Variants in LRRTM3 observed in about 807,000 individuals in gnomAD.
LRRTM3 encodes the protein leucine rich repeat transmembrane neuronal 3, also known as leucine-rich repeat transmembrane neuronal protein 3.
A neutral mutation model predicts 44.7 loss-of-function variants in LRRTM3; 24 were observed. The ratio of observed to expected loss-of-function variants is 0.54; its 90% CI spans 0.39 to 0.76. The LOEUF (loss-of-function observed/expected upper bound fraction) is 0.76, where lower values mean the gene tolerates loss of function less well. Among genes scored for constraint, LRRTM3 ranks in the 30% least tolerant of loss-of-function variants. LRRTM3 has a pLI of 0.00. For missense variants in LRRTM3, 587 were observed against 702.2 expected (o/e 0.84, Z 1.85); for synonymous variants, 277 against 278.7 (o/e 0.99, Z 0.06).
chr10:66,966,471 C>T (rs1011093406), intron 2 of LRRTM3, among the ~76,000 whole-genome samples: 16 of 123,856 alleles, frequency 1.3e-4, no homozygotes, highest in African/African-American at 3.8e-4. Flanking sequence ...TGGGTTAACT[C>T]GGCTATGTAA....
intron 2 of LRRTM3, among the ~76,000 whole-genome samples, chr10:67,018,877 T>C (rs1852818251): frequency 6.6e-6 from 1 of 152,174 alleles, no homozygotes; most frequent in Non-Finnish European, 1.5e-5. Flanking sequence ...AGTCAATGTG[T>C]TTTGCAGATG....
chr10:66,971,836 T>C (rs1426185155), intron 2 of LRRTM3, among the ~76,000 whole-genome samples: 1 of 152,158 alleles, frequency 6.6e-6, no homozygotes, highest in African/African-American at 2.4e-5. Flanking sequence ...CAATAGGTTC[T>C]TCTCTTTAAT....
Position 67,101,069 on chromosome 10 carries a change from C to T in LRRTM3, c.*3273C>T, listed in dbSNP as rs1003521804. ...TTATTTCTGTGTTCTACTCTGGGCT[C>T]TCACATTAAAACTCTGTTCAAAAAG... On this transcript the variant is annotated 3_prime_UTR_variant, in exon 3 of 3. Coordinates refer to ENST00000361320, the MANE Select transcript of LRRTM3 (RefSeq NM_178011.5). Among the ~76,000 whole-genome samples, 3 of 151,690 alleles carry T rather than the reference C, an allele frequency of 2.0e-5. No homozygotes were observed. The highest frequency in any genetic ancestry group is 4.4e-5 in the Non-Finnish European group (3 of 67,776).
Position 66,997,392 on chromosome 10 carries a change from T to G in LRRTM3, c.1536+68940T>G, listed in dbSNP as rs558712320. Among the ~76,000 whole-genome samples the G allele has an allele frequency of 2.0e-4, 31 of 152,364 alleles. 1 individual carries two copies. In the East Asian group the frequency reaches 5.8e-3, roughly 28 times the overall value. On this transcript the variant is annotated intron_variant, in intron 2 of 2. Transcript: ENST00000361320. ...ATTAATTTACCTGTGTTAAATTGTT[T>G]TAATCAGATTTCATTTTAAAACTAG...
At chr10:66,984,143 A>T (rs1850598203) in intron 2 of LRRTM3, among the ~76,000 whole-genome samples, 1 of 74,356 alleles carries the variant, frequency 1.3e-5, no homozygotes, top group South Asian at 6.6e-4. Context: ...TCTAGGAGTC[A>T]TCCGCTACCA....
At chr10:67,025,791 A>T (rs534945524) in intron 2 of LRRTM3, among the ~76,000 whole-genome samples, 43 of 152,134 alleles carry the variant, frequency 2.8e-4, no homozygotes, top group African/African-American at 8.5e-4. Context: ...GATGATCGCT[A>T]TAAAGACACA....
intron 2 of LRRTM3, among the ~76,000 whole-genome samples, chr10:67,028,602 C>A (rs1315882043): frequency 1.3e-5 from 2 of 149,876 alleles, no homozygotes; most frequent in Non-Finnish European, 3.0e-5. Flanking sequence ...ATTTTCCAGG[C>A]CAAGAAGGAA....
rs1847182971 is a variant in LRRTM3 at position 66,928,200 on chromosome 10, C to T, written c.1284C>T (p.Phe428=). 6.2e-7 allele frequency: 1 copy of T among 1,613,994 alleles called. No homozygotes were observed. The highest frequency in any genetic ancestry group is 1.3e-5 in the African/African-American group (1 of 74,928). ...TCATCGCGGGCAGCGTGGCGCTTTT[C>T]CTGTCCGTGCTCGTCATCCTGCTGG... ...HKIIAGSVAL[F]LSVLVILLVI... is the part of the protein sequence containing the mutation. The change falls in exon 2 of 3, where the codon TTC becomes TTT. Residue 428 remains phenylalanine, a synonymous_variant. Coordinates refer to ENST00000361320, the MANE Select transcript of LRRTM3 (RefSeq NM_178011.5).
At chr10:66,969,958 T>C (rs1220703171) in intron 2 of LRRTM3, among the ~76,000 whole-genome samples, 1 of 152,116 alleles carries the variant, frequency 6.6e-6, no homozygotes, top group Non-Finnish European at 1.5e-5. Flanking sequence ...AGAGTAACAG[T>C]ACTGACCTAC....
At chr10:66,936,520 C>T (rs1003215441) in intron 2 of LRRTM3, among the ~76,000 whole-genome samples, 2 of 152,028 alleles carry the variant, frequency 1.3e-5, no homozygotes, top group Non-Finnish European at 2.9e-5. Context: ...TTTCTGCCTG[C>T]AGATCTTAAT....
At chr10:67,019,667 G>C (rs2133068369) in intron 2 of LRRTM3, among the ~76,000 whole-genome samples, 1 of 152,316 alleles carries the variant, frequency 6.6e-6, no homozygotes, top group East Asian at 1.9e-4. Flanking sequence ...GGGGCTCAAA[G>C]TCAGGACTCC....
intron 2 of LRRTM3, among the ~76,000 whole-genome samples, chr10:67,025,744 C>A (rs1055462888): frequency 4.6e-5 from 7 of 152,028 alleles, no homozygotes; most frequent in Non-Finnish European, 1.5e-5. Context: ...AGTTATAATG[C>A]CCATTAACAT....
intron 2 of LRRTM3, among the ~76,000 whole-genome samples, chr10:66,965,678 A>C (rs1589507854): frequency 6.6e-6 from 1 of 152,094 alleles, no homozygotes; most frequent in Admixed American, 6.6e-5. Flanking sequence ...ATTGTCCCAA[A>C]GCAAAACTGT....
chr10:67,086,529 C>G (rs1564881538), intron 2 of LRRTM3, among the ~76,000 whole-genome samples: 3 of 151,956 alleles, frequency 2.0e-5, no homozygotes, highest in Admixed American at 1.3e-4. Flanking sequence ...CCAAGTCCTG[C>G]CAAAGCAGGA....
intron 2 of LRRTM3, among the ~76,000 whole-genome samples, chr10:67,025,129 C>T (rs1053709605): frequency 1.2e-4 from 3 of 25,374 alleles, no homozygotes; most frequent in South Asian, 3.4e-3. Context: ...AAAACTCTGT[C>T]AAAAACAAAA....
At chr10:67,023,064 T>G (rs1853131448) in intron 2 of LRRTM3, among the ~76,000 whole-genome samples, 1 of 152,204 alleles carries the variant, frequency 6.6e-6, no homozygotes, top group Admixed American at 6.5e-5. Context: ...CTAATGTCAC[T>G]TTTCCCCAGT....
rs879466639 is a variant in LRRTM3 at position 67,083,170 on chromosome 10, GA to G, written c.1537-14406del. Among the ~76,000 whole-genome samples, 441 of 144,652 alleles carry G rather than the reference GA, an allele frequency of 3.0e-3. 1 individual carries two copies. Among genetic ancestry groups the G allele is most frequent in the African/African-American group, 9.7e-3 (385 of 39,598 alleles). 94.9% of individuals were successfully genotyped at this position (144,652 alleles called of 152,430 possible). On this transcript the variant is annotated intron_variant, in intron 2 of 2. Transcript: ENST00000361320. Reference sequence around the variant, plus strand: ...ATATCCATAGGTCTACCTAATTTGAGAAAAAAAAAAACTTCCTTTATTCGAA... The same window carrying G: ...ATATCCATAGGTCTACCTAATTTGAGAAAAAAAAAACTTCCTTTATTCGAA...
chr10:67,002,584 C>G (rs1851749985), intron 2 of LRRTM3, among the ~76,000 whole-genome samples: 1 of 152,108 alleles, frequency 6.6e-6, no homozygotes, highest in Non-Finnish European at 1.5e-5. Flanking sequence ...TCCTTTGACA[C>G]AATGAACACA....
chr10:67,087,703 A>C (rs975331350), intron 2 of LRRTM3, among the ~76,000 whole-genome samples: 4 of 152,012 alleles, frequency 2.6e-5, no homozygotes, highest in Non-Finnish European at 5.9e-5. Flanking sequence ...AGCTAATGTC[A>C]TAATGGCCTG....
Sources: allele counts gnomAD v4.1 joint callset (sites outside exome capture counted in the v4.1 genomes callset), GRCh38; gene constraint gnomAD v4.1.1; transcripts MANE v1.5; gene names NCBI Gene and HGNC (gene_info 2026-07-23, HGNC 2026-07-21).